The following CTTNBP2 variants were observed in gnomAD, a reference collection of about 807,000 sequenced individuals.
CTTNBP2 encodes cortactin binding protein 2, also known as cortactin-binding protein 2.
Under a neutral mutation model 156.9 loss-of-function variants are expected in CTTNBP2, and 108 were observed. The observed-to-expected ratio is 0.69, with a 90% CI of 0.59 to 0.81. CTTNBP2 has a LOEUF of 0.81. Ranked by LOEUF, CTTNBP2 falls within the 30% of genes least tolerant of loss-of-function variation. CTTNBP2 has a pLI of 0.00. For synonymous variants in CTTNBP2, 767 were observed against 751.8 expected (o/e 1.02, Z -0.33); for missense variants, 1,924 against 2,035.4 (o/e 0.95, Z 1.05).
chr7:117,830,550 T>C (rs1801537656), intron 2 of CTTNBP2, among the ~76,000 whole-genome samples: 1 of 152,190 alleles, frequency 6.6e-6, no homozygotes, highest in Admixed American at 6.5e-5. Context: ...CTCAAACTGA[T>C]TTGGAAATGA....
At chr7:117,726,595 A>C (rs1318112363) in intron 17 of CTTNBP2, among the ~76,000 whole-genome samples, 1 of 152,228 alleles carries the variant, frequency 6.6e-6, no homozygotes, top group Non-Finnish European at 1.5e-5. Context: ...CAGTCTTGGA[A>C]GACAGAGATA....
chr7:117,732,235 T>A (rs1795440845), intron 16 of CTTNBP2, among the ~76,000 whole-genome samples: 1 of 152,122 alleles, frequency 6.6e-6, no homozygotes, highest in Non-Finnish European at 1.5e-5. Flanking sequence ...ATAACACACA[T>A]GACCTAAAGG....
intron 9 of CTTNBP2, 111 bp from the exon 10 acceptor site, chr7:117,760,821 C>G: frequency 1.4e-6 from 1 of 733,362 alleles, no homozygotes; most frequent in African/African-American, 1.8e-5. Context: ...TAAACCAAAG[C>G]TATTTTATTT....
At chr7:117,820,777 G>C (rs1800915549) in intron 2 of CTTNBP2, among the ~76,000 whole-genome samples, 1 of 152,176 alleles carries the variant, frequency 6.6e-6, no homozygotes, top group South Asian at 2.1e-4. Context: ...GGCAGGTTAA[G>C]TCCTTAAAAT....
chr7:117,819,990 T>G (rs1454174933), intron 2 of CTTNBP2, among the ~76,000 whole-genome samples: 1 of 152,194 alleles, frequency 6.6e-6, no homozygotes, highest in Non-Finnish European at 1.5e-5. Flanking sequence ...TGCACAGAAG[T>G]CAGAGCCAGA....
chr7:117,853,659 C>A (rs1803075626), intron 2 of CTTNBP2, among the ~76,000 whole-genome samples: 1 of 152,076 alleles, frequency 6.6e-6, no homozygotes. Flanking sequence ...TCATAGTATA[C>A]AAAAATATAT....
At chr7:117,732,007 A>G (rs1457889043) in intron 16 of CTTNBP2, among the ~76,000 whole-genome samples, 2 of 152,166 alleles carry the variant, frequency 1.3e-5, no homozygotes, top group Non-Finnish European at 2.9e-5. Flanking sequence ...TTTTTAACTT[A>G]ATAAGAATGA....
At chr7:117,806,744 ATTTTTTT>A (rs3059529) in intron 3 of CTTNBP2, among the ~76,000 whole-genome samples, 1 of 119,226 alleles carries the variant, frequency 8.4e-6, no homozygotes, top group African/African-American at 3.1e-5. Flanking sequence ...TCTTTTTCTC[ATTTTTTT>A]TTTTTTTTTT....
intron 2 of CTTNBP2, among the ~76,000 whole-genome samples, chr7:117,832,236 G>A (rs556957234): frequency 5.3e-5 from 8 of 151,938 alleles, no homozygotes; most frequent in African/African-American, 9.7e-5. Context: ...TATAAATCCC[G>A]CTCATCTTTA....
Position 117,792,487 on chromosome 7 carries a change from C to G in CTTNBP2, c.709G>C (p.Glu237Gln). The G allele has an allele frequency of 4.3e-6, 7 of 1,614,162 alleles. No individual in the cohort carries two copies. The South Asian group carries it at 7.7e-5, about 18-fold the overall frequency. Residue 237 changes from glutamate (E) to glutamine (Q), a missense_variant, in exon 4 of 23, where the codon GAG (glutamate) becomes CAG (glutamine). Coordinates refer to ENST00000160373, the MANE Select transcript of CTTNBP2 (RefSeq NM_033427.3). The surrounding 1 kb of genome is among the most constrained non-coding windows in gnomAD (Gnocchi z 4.2). ...MEKQLSEFDT[E>Q]REQLRAKLNR... is the part of the protein sequence containing the mutation. ...AGCTTGGCACGAAGCTGTTCCCGCT[C>G]AGTGTCAAACTCAGAGAGTTGTTTT... is the stretch of plus-strand genomic sequence containing the variant.
intron 1 of CTTNBP2, among the ~76,000 whole-genome samples, chr7:117,862,304 G>A (rs1803812406): frequency 6.7e-6 from 1 of 148,982 alleles, no homozygotes; most frequent in Non-Finnish European, 1.5e-5. Context: ...AGAGCCCTAG[G>A]TGTGGGGTGG....
At chr7:117,778,099 T>C (rs1243851130) in intron 7 of CTTNBP2, among the ~76,000 whole-genome samples, 1 of 152,220 alleles carries the variant, frequency 6.6e-6, no homozygotes, top group Admixed American at 6.5e-5. Context: ...TGAAAGAGAA[T>C]GAACTTTAGC....
intron 3 of CTTNBP2, among the ~76,000 whole-genome samples, chr7:117,797,415 A>T (rs34750481): frequency 6.6e-6 from 1 of 152,208 alleles, no homozygotes; most frequent in Non-Finnish European, 1.5e-5. Flanking sequence ...TTCAGTATAC[A>T]ATAAGAAATT....
At chr7:117,776,727 T>C (rs1264138778) in intron 8 of CTTNBP2, among the ~76,000 whole-genome samples, 2 of 152,240 alleles carry the variant, frequency 1.3e-5, no homozygotes, top group East Asian at 3.8e-4. Flanking sequence ...GTTCTCTTTC[T>C]TTTTCCCGTA....
intron 12 of CTTNBP2, among the ~76,000 whole-genome samples, chr7:117,753,081 A>G (rs1355295483): frequency 6.6e-6 from 1 of 152,212 alleles, no homozygotes; most frequent in East Asian, 1.9e-4. Context: ...AAACAAACCC[A>G]TTAAAAAGTG....
At chr7:117,714,838 G>C (rs942482810) in intron 22 of CTTNBP2, among the ~76,000 whole-genome samples, 33 of 152,288 alleles carry the variant, frequency 2.2e-4, no homozygotes, top group Non-Finnish European at 4.1e-4. Flanking sequence ...CCTGAAAAGT[G>C]CTCCTGACAC....
At chr7:117,871,432 C>T (rs1296532836) in intron 1 of CTTNBP2, among the ~76,000 whole-genome samples, 2 of 152,148 alleles carry the variant, frequency 1.3e-5, no homozygotes, top group South Asian at 2.1e-4. Flanking sequence ...TATTGCATCT[C>T]GCAACCCTAA....
At chr7:117,756,427 G>A in intron 12 of CTTNBP2, 128 bp downstream of exon 12, 1 of 707,436 alleles carries the variant, frequency 1.4e-6, no homozygotes, top group Non-Finnish European at 2.5e-6. Context: ...GGCTGGTGGG[G>A]AAGGTAACGG....
At chr7:117,748,592 T>G (rs1024351855) in intron 12 of CTTNBP2, among the ~76,000 whole-genome samples, 1 of 152,236 alleles carries the variant, frequency 6.6e-6, no homozygotes, top group Admixed American at 6.5e-5. Flanking sequence ...TATAGTCAAG[T>G]GCAACTTTAT....
Sources: allele counts gnomAD v4.1 joint callset (sites outside exome capture counted in the v4.1 genomes callset), GRCh38; gene constraint gnomAD v4.1.1; non-coding constraint Gnocchi (gnomAD v3.1); transcripts MANE v1.5; gene names NCBI Gene and HGNC (gene_info 2026-07-23, HGNC 2026-07-21).